The following MLLT3 variants were observed in gnomAD, a reference collection of about 807,000 sequenced individuals.
MLLT3 encodes the protein MLLT3 super elongation complex subunit, also known as protein AF-9.
A neutral mutation model predicts 53.2 loss-of-function variants in MLLT3; 4 were observed. That is an observed-to-expected ratio of 0.08 (90% CI 0.04 to 0.17). MLLT3 has a LOEUF of 0.17. Among genes scored for constraint, MLLT3 ranks in the 10% least tolerant of loss-of-function variants. The pLI, the probability that MLLT3 is intolerant of heterozygous loss-of-function variation, is 1.00. For missense variants in MLLT3, 569 were observed against 684.0 expected (o/e 0.83, Z 1.87); for synonymous variants, 283 against 230.6 (o/e 1.23, Z -2.06).
chr9:20,381,622 CAT>C (rs1395528367), intron 5 of MLLT3, among the ~76,000 whole-genome samples: 3 of 151,802 alleles, frequency 2.0e-5, no homozygotes, highest in African/African-American at 7.2e-5. Flanking sequence ...TGAGAATTTA[CAT>C]AGTTATATTT....
intron 2 of MLLT3, among the ~76,000 whole-genome samples, chr9:20,470,877 A>C (rs1210677970): frequency 6.6e-6 from 1 of 152,162 alleles, no homozygotes; most frequent in East Asian, 1.9e-4. Flanking sequence ...CATATCAAAC[A>C]TTGCAAATAA....
At chr9:20,543,399 T>C (rs535574199) in intron 2 of MLLT3, among the ~76,000 whole-genome samples, 2 of 152,356 alleles carry the variant, frequency 1.3e-5, no homozygotes, top group Non-Finnish European at 2.9e-5. Flanking sequence ...AAGTCTTACA[T>C]GGGTATGGCT....
chr9:20,351,063 C>T (rs1304352378), intron 10 of MLLT3, among the ~76,000 whole-genome samples: 1 of 152,172 alleles, frequency 6.6e-6, no homozygotes, highest in Non-Finnish European at 1.5e-5. Context: ...GTGTGCCCTA[C>T]CCTTGGTTAA....
intron 4 of MLLT3, among the ~76,000 whole-genome samples, chr9:20,436,953 C>T (rs1394448015): frequency 6.6e-6 from 1 of 152,072 alleles, no homozygotes; most frequent in Non-Finnish European, 1.5e-5. Flanking sequence ...ACTACTATAT[C>T]CTGGTAGATG....
chr9:20,464,561 T>C (rs948783912), intron 2 of MLLT3, among the ~76,000 whole-genome samples: 1 of 152,160 alleles, frequency 6.6e-6, no homozygotes, highest in Non-Finnish European at 1.5e-5. Context: ...AAAAGTGTTA[T>C]GATAATAAAA....
At chr9:20,369,522 G>A (rs1033851521) in intron 5 of MLLT3, among the ~76,000 whole-genome samples, 1 of 152,118 alleles carries the variant, frequency 6.6e-6, no homozygotes. Context: ...ACCATGTTGT[G>A]GGGGAGACAC....
At chr9:20,348,079 A>T (rs1175305369) in intron 10 of MLLT3, among the ~76,000 whole-genome samples, 1 of 152,082 alleles carries the variant, frequency 6.6e-6, no homozygotes, top group East Asian at 1.9e-4. Flanking sequence ...TAACTGCTCA[A>T]CTCCAGATTG....
chr9:20,343,977 A>T lies in MLLT3; in HGVS notation c.*2466T>A, dbSNP rs1041462863. 113 of 203,472 alleles carry T rather than the reference A, an allele frequency of 5.6e-4. No homozygotes were observed. Among genetic ancestry groups the T allele is most frequent in the Non-Finnish European group, 1.5e-4 (15 of 99,362 alleles). The allele number at this position is 203,472 out of a possible 1,614,324, so 12.6% of individuals were successfully genotyped here. A position where few individuals can be genotyped will look rare whatever the true frequency, so the allele number is the denominator to read the frequency against. On this transcript the variant is annotated 3_prime_UTR_variant, in exon 11 of 11. Transcript: ENST00000380338. ...GCAAGATTACCACTTCAAAAAAAAT[A>T]ACGTAACTCTCAGTCTTAATTTTGT... is the stretch of plus-strand genomic sequence containing the variant.
At chr9:20,420,334 GA>G (rs1822976157) in intron 4 of MLLT3, among the ~76,000 whole-genome samples, 1 of 152,092 alleles carries the variant, frequency 6.6e-6, no homozygotes, top group African/African-American at 2.4e-5. Flanking sequence ...AAAAGACAAA[GA>G]TCAGATAAAG....
intron 4 of MLLT3, among the ~76,000 whole-genome samples, chr9:20,435,220 C>CT (rs1215816971): frequency 6.6e-6 from 1 of 151,958 alleles, no homozygotes; most frequent in East Asian, 1.9e-4. Flanking sequence ...TTCTTTCTTT[C>CT]TTTTTTAGAG....
At chr9:20,486,875 A>T (rs1020699690) in intron 2 of MLLT3, among the ~76,000 whole-genome samples, 1 of 152,276 alleles carries the variant, frequency 6.6e-6, no homozygotes, top group East Asian at 1.9e-4. Context: ...TATTATCTTT[A>T]TATCAGTACT....
At chr9:20,427,404 T>C (rs1277930723) in intron 4 of MLLT3, among the ~76,000 whole-genome samples, 6 of 149,412 alleles carry the variant, frequency 4.0e-5, no homozygotes, top group African/African-American at 1.5e-4. Flanking sequence ...GGAAGATAAA[T>C]ATGAATAAAC....
chr9:20,593,587 G>A (rs941605566), intron 2 of MLLT3, among the ~76,000 whole-genome samples: 8 of 152,132 alleles, frequency 5.3e-5, no homozygotes, highest in African/African-American at 9.7e-5. Context: ...CAACAACTAT[G>A]GTACATCTGT....
intron 2 of MLLT3, among the ~76,000 whole-genome samples, chr9:20,523,656 G>A (rs1245392515): frequency 6.6e-6 from 1 of 152,110 alleles, no homozygotes; most frequent in East Asian, 1.9e-4. Flanking sequence ...TTAGGATAGG[G>A]CAAAATTATA....
intron 2 of MLLT3, among the ~76,000 whole-genome samples, chr9:20,498,925 C>T (rs1168929476): frequency 1.3e-5 from 2 of 152,136 alleles, no homozygotes; most frequent in Non-Finnish European, 2.9e-5. Flanking sequence ...TAACAAAATA[C>T]CACAAATAGG....
intron 5 of MLLT3, among the ~76,000 whole-genome samples, chr9:20,392,024 G>A (rs917293011): frequency 2.6e-5 from 4 of 152,108 alleles, no homozygotes; most frequent in African/African-American, 9.7e-5. Flanking sequence ...TATCACTGGC[G>A]GCTTGCCACA....
intron 2 of MLLT3, among the ~76,000 whole-genome samples, chr9:20,510,586 T>C (rs1165156714): frequency 7.5e-6 from 1 of 133,484 alleles, no homozygotes; most frequent in Non-Finnish European, 1.5e-5. Context: ...CACTCCAGCC[T>C]GGGCGACAGA....
At chr9:20,484,697 G>C (rs1824761507) in intron 2 of MLLT3, among the ~76,000 whole-genome samples, 1 of 151,962 alleles carries the variant, frequency 6.6e-6, no homozygotes, top group South Asian at 2.1e-4. Context: ...TCTCCCATTA[G>C]TCTGTAACCT....
intron 2 of MLLT3, among the ~76,000 whole-genome samples, chr9:20,507,534 C>G (rs991181410): frequency 6.6e-6 from 1 of 152,152 alleles, no homozygotes; most frequent in African/African-American, 2.4e-5. Context: ...TAGGTTTCCT[C>G]CTTTCTTCCC....
Sources: gnomAD v4.1 joint callset for allele counts (sites outside exome capture counted in the v4.1 genomes callset) on GRCh38, gnomAD v4.1.1 for gene constraint, MANE v1.5 for transcripts, NCBI Gene and HGNC (gene_info 2026-07-23, HGNC 2026-07-21) for gene names.